Variants in MYRIP observed in about 807,000 individuals in gnomAD.
MYRIP encodes myosin VIIA and Rab interacting protein.
MYRIP carries 49 observed loss-of-function variants against 98.0 expected under a neutral mutation model. The ratio of observed to expected loss-of-function variants is 0.50; its 90% CI spans 0.40 to 0.63. MYRIP has a LOEUF of 0.63. Ranked by LOEUF, MYRIP falls within the 30% of genes least tolerant of loss-of-function variation. The pLI, the probability that MYRIP is intolerant of heterozygous loss-of-function variation, is 0.00. For missense variants in MYRIP, 1,004 were observed against 1,058.2 expected (o/e 0.95, Z 0.71); for synonymous variants, 404 against 409.5 (o/e 0.99, Z 0.16).
intron 2 of MYRIP, among the ~76,000 whole-genome samples, chr3:39,936,411 G>A (rs1280406750): frequency 1.3e-5 from 2 of 152,158 alleles, no homozygotes; most frequent in African/African-American, 4.8e-5. Flanking sequence ...TATGGGGCTG[G>A]AGGAAACAGG....
At position 40,190,560 on chromosome 3, in the gene MYRIP, C is replaced by T. The variant is rs559465400; in HGVS notation, c.1665+97C>T. 6.4e-4 allele frequency: 936 copies of T among 1,471,162 alleles called. 1 individual carries two copies. The highest frequency in any genetic ancestry group is 1.0e-3 in the Middle Eastern group (5 of 4,840). The allele number at this position is 1,471,162 out of a possible 1,614,324, so 91.1% of individuals were successfully genotyped here. The stretch of plus-strand genomic sequence containing the variant: ...GGCATAGAGTCCTGGGTTTGGAATC[C>T]GCAGACCCAGATTCTCATCTTGGTT... On this transcript the variant is annotated intron_variant, in intron 10 of 16. Coordinates refer to ENST00000302541, the MANE Select transcript of MYRIP (RefSeq NM_015460.4).
chr3:39,987,347 T>C (rs1285163909), intron 2 of MYRIP, among the ~76,000 whole-genome samples: 1 of 152,238 alleles, frequency 6.6e-6, no homozygotes, highest in East Asian at 1.9e-4. Context: ...TCATTCCTTT[T>C]TATGGCTTCA....
chr3:39,907,388 A>G (rs1172793252), intron 2 of MYRIP, among the ~76,000 whole-genome samples: 1 of 152,190 alleles, frequency 6.6e-6, no homozygotes, highest in Non-Finnish European at 1.5e-5. Flanking sequence ...GTTAGATTGC[A>G]GCCATGTGAT....
At chr3:39,847,285 C>T (rs76331633) in intron 1 of MYRIP, among the ~76,000 whole-genome samples, 39 of 152,296 alleles carry the variant, frequency 2.6e-4, no homozygotes, top group Non-Finnish European at 5.0e-4. Context: ...ATGATGTTCA[C>T]TCTTGTGTAT....
At position 40,077,863 on chromosome 3, in the gene MYRIP, CGGGGCTGCAGGT is replaced by C. The variant is rs576813613; in HGVS notation, c.332+33607_332+33618del. ...TGGCTTCACCCAGTGGATCCCGCACCGGGGCTGCAGGTGGGGCTGCAGGTGGAGCTGCCTGCC... is the reference window on the plus strand; with the variant it reads ...TGGCTTCACCCAGTGGATCCCGCACCGGGGCTGCAGGTGGAGCTGCCTGCC... On this transcript the variant is annotated intron_variant, in intron 3 of 16. Coordinates refer to ENST00000302541, the MANE Select transcript of MYRIP (RefSeq NM_015460.4). 1.1e-3 allele frequency among the ~76,000 whole-genome samples: 162 copies of C among 152,366 alleles called. 1 individual carries two copies. Among genetic ancestry groups the C allele is most frequent in the African/African-American group, 3.7e-3 (152 of 41,590 alleles).
In MYRIP at chr3:40,068,138, A is replaced by C. The variant is rs549824597; in HGVS notation, c.332+23867A>C. Among the ~76,000 whole-genome samples the C allele has an allele frequency of 1.4e-4, 22 of 152,292 alleles. No homozygotes were observed. In the South Asian group the frequency reaches 4.6e-3, roughly 32 times the overall value. On this transcript the variant is annotated intron_variant, in intron 3 of 16. Transcript: ENST00000302541. Reference sequence around the variant, plus strand: ...GTACAGATATCCTTTGCTTCTGGTTATTTTCCTAAGAAAAACTCTACAAGT... The same window carrying C: ...GTACAGATATCCTTTGCTTCTGGTTCTTTTCCTAAGAAAAACTCTACAAGT...
At position 40,141,990 on chromosome 3, in the gene MYRIP, G is replaced by A. The variant is rs28580515; in HGVS notation, c.333-9058G>A. 7.8e-3 allele frequency among the ~76,000 whole-genome samples: 1,156 copies of A among 149,114 alleles called. 15 individuals are homozygous for A. Among genetic ancestry groups the A allele is most frequent in the African/African-American group, 0.027 (1,109 of 40,578 alleles). On this transcript the variant is annotated intron_variant, in intron 3 of 16. Transcript: ENST00000302541. ...TTCTATTTCAGTGAAGAATTTCACT[G>A]ATATTTTGATAGGGATTGCATTGAA... is the stretch of plus-strand genomic sequence containing the variant.
At chr3:39,871,736 T>A (rs956744378) in intron 1 of MYRIP, among the ~76,000 whole-genome samples, 2 of 152,142 alleles carry the variant, frequency 1.3e-5, no homozygotes, top group African/African-American at 4.8e-5. Context: ...CCTGTATAGT[T>A]GTCTAATGGA....
intron 3 of MYRIP, among the ~76,000 whole-genome samples, chr3:40,109,231 T>A (rs910245739): frequency 6.6e-6 from 1 of 152,226 alleles, no homozygotes; most frequent in Non-Finnish European, 1.5e-5. Flanking sequence ...AGCAGTCATC[T>A]TCTGATCTAT....
At chr3:40,001,359 G>C (rs1393222785) in intron 2 of MYRIP, among the ~76,000 whole-genome samples, 3 of 152,192 alleles carry the variant, frequency 2.0e-5, no homozygotes, top group Non-Finnish European at 4.4e-5. Flanking sequence ...TTTGGAGACA[G>C]TTCTATAAAA....
chr3:40,067,154 G>C (rs1948141672), intron 3 of MYRIP, among the ~76,000 whole-genome samples: 1 of 152,180 alleles, frequency 6.6e-6, no homozygotes, highest in Non-Finnish European at 1.5e-5. Flanking sequence ...TATTAAAGTT[G>C]AGAATAGTAA....
At chr3:40,098,705 C>G (rs1325459627) in intron 3 of MYRIP, among the ~76,000 whole-genome samples, 1 of 147,272 alleles carries the variant, frequency 6.8e-6, no homozygotes, top group Middle Eastern at 3.3e-3. Context: ...GTCCCCTTCT[C>G]TTCTGGATGT....
At chr3:40,082,099 GTGT>G (rs1484531208) in intron 3 of MYRIP, among the ~76,000 whole-genome samples, 2 of 152,134 alleles carry the variant, frequency 1.3e-5, no homozygotes, top group Admixed American at 6.5e-5. Context: ...AAGATAACAA[GTGT>G]TGTCAAGGAT....
chr3:40,167,406 C>T (rs560933446), intron 7 of MYRIP, among the ~76,000 whole-genome samples, 167 bp downstream of exon 7: 3 of 152,296 alleles, frequency 2.0e-5, no homozygotes, highest in South Asian at 2.1e-4. Flanking sequence ...GGGAATGCAT[C>T]GCACTGCTTG....
chr3:40,021,472 T>A (rs1404049514), intron 2 of MYRIP, among the ~76,000 whole-genome samples: 1 of 152,212 alleles, frequency 6.6e-6, no homozygotes, highest in East Asian at 1.9e-4. Context: ...TGTGATGATC[T>A]GAGCTGTAGA....
intron 3 of MYRIP, among the ~76,000 whole-genome samples, chr3:40,146,884 A>G (rs1293064930): frequency 6.6e-6 from 1 of 152,196 alleles, no homozygotes; most frequent in East Asian, 1.9e-4. Flanking sequence ...ATCTAATGTC[A>G]GGTTCCAGTA....
At chr3:39,830,747 T>G (rs954035013) in intron 1 of MYRIP, among the ~76,000 whole-genome samples, 3 of 152,190 alleles carry the variant, frequency 2.0e-5, no homozygotes, top group Non-Finnish European at 4.4e-5. Flanking sequence ...AATATGTTAT[T>G]TTTCTTTTCT....
At position 39,914,169 on chromosome 3, in the gene MYRIP, T is replaced by C. The variant is rs1408186674; in HGVS notation, c.110+13243T>C. ...TACTTAAAATTAAATCTGGAACTTA[T>C]CGCACAGGTTACAGTACAATATCTT... On this transcript the variant is annotated intron_variant, in intron 2 of 16. Coordinates refer to ENST00000302541, the MANE Select transcript of MYRIP (RefSeq NM_015460.4). 2.6e-5 allele frequency among the ~76,000 whole-genome samples: 4 copies of C among 152,164 alleles called. No individual in the cohort carries two copies. In the East Asian group the frequency reaches 7.7e-4, roughly 29 times the overall value.
intron 3 of MYRIP, among the ~76,000 whole-genome samples, chr3:40,072,145 G>A (rs796959542): frequency 6.6e-6 from 1 of 152,200 alleles, no homozygotes; most frequent in South Asian, 2.1e-4. Context: ...CAAGCATCAA[G>A]ATAGGTGCTT....
Sources: gnomAD v4.1 joint callset for allele counts (sites outside exome capture counted in the v4.1 genomes callset) on GRCh38, gnomAD v4.1.1 for gene constraint, MANE v1.5 for transcripts, NCBI Gene and HGNC (gene_info 2026-07-23, HGNC 2026-07-21) for gene names.